The following IP6K1 variants were observed in gnomAD, a reference collection of about 807,000 sequenced individuals.
The protein encoded by IP6K1 is ATP:1D-myo-inositol-hexakisphosphate phosphotransferase.
A neutral mutation model predicts 38.3 loss-of-function variants in IP6K1; 13 were observed. The ratio of observed to expected loss-of-function variants is 0.34; its 90% CI spans 0.22 to 0.54. The LOEUF (loss-of-function observed/expected upper bound fraction) is 0.54. Ranked by LOEUF, IP6K1 falls within the 20% of genes least tolerant of loss-of-function variation. IP6K1 has a pLI of 0.92. For synonymous variants in IP6K1, 212 were observed against 229.9 expected, an observed-to-expected ratio of 0.92 and a Z score of 0.70; for missense variants, 397 against 599.8, an observed-to-expected ratio of 0.66 and a Z score of 3.53.
At chr3:49,776,041 T>C (rs1346562575) in intron 1 of IP6K1, among the ~76,000 whole-genome samples, 1 of 151,514 alleles carries the variant, frequency 6.6e-6, no homozygotes, top group Admixed American at 6.6e-5. Flanking sequence ...CTTTGGTGTA[T>C]GGTGGGAAGC....
rs1016900144 is a variant in IP6K1, at chr3:49,724,788, G to A, written c.*2334C>T. The A allele has an allele frequency of 1.3e-5, 2 of 152,642 alleles. No individual in the cohort carries two copies. Among genetic ancestry groups the A allele is most frequent in the African/African-American group, 4.8e-5 (2 of 41,440 alleles). The allele number at this position is 152,642 out of a possible 1,614,324, so 9.5% of individuals were successfully genotyped here. ...CCAGAGAGGGAGGGGTGGGGTCCCT[G>A]GCAAGTTGCTACACTGGTCCCCTTC... On this transcript the variant is annotated 3_prime_UTR_variant, in exon 6 of 6. Transcript: ENST00000321599.
At chr3:49,753,346 GTC>G (rs1416330138) in intron 1 of IP6K1, among the ~76,000 whole-genome samples, 1 of 152,048 alleles carries the variant, frequency 6.6e-6, no homozygotes, top group African/African-American at 2.4e-5. Flanking sequence ...TGATCAAAAT[GTC>G]TCTTTCTCAA....
chr3:49,727,330 C>A lies in IP6K1; in HGVS notation c.1118G>T (p.Gly373Val), dbSNP rs2080516654. ...GGTGTTGCTGGGGCTGGTGCTGGGG[C>A]CACAGGATGACGCCACCTCAGGGAG... The part of the protein sequence containing the change: ...MVLPEVASSC[G>V]PSTSPSNTSP... The change falls in exon 6 of 6, where the codon GGC becomes GTC. Residue 373 changes from glycine (G) to valine (V), a missense_variant. By Grantham distance (109) the Gly-to-Val change is moderately radical. This residue lies in a region of IP6K1 where 164 missense variants were observed against 213.5 expected (regional missense o/e 0.77). Coordinates refer to ENST00000321599, the MANE Select transcript of IP6K1 (RefSeq NM_153273.4). This position sits in a 1 kb window ranked among gnomAD's most constrained non-coding sequence, Gnocchi z 5.9. The A allele has an allele frequency of 6.2e-7, 1 of 1,613,934 alleles. No homozygotes were observed. Among genetic ancestry groups the A allele is most frequent in the African/African-American group, 1.3e-5 (1 of 74,908 alleles).
At chr3:49,752,602 A>T (rs2080788139) in intron 1 of IP6K1, among the ~76,000 whole-genome samples, 1 of 144,366 alleles carries the variant, frequency 6.9e-6, no homozygotes, top group African/African-American at 2.6e-5. Flanking sequence ...GGCTCACCTC[A>T]ATCTCCACTT....
chr3:49,727,220 C>G lies in IP6K1; in HGVS notation c.1228G>C (p.Asp410His). 2 of 1,614,146 alleles carry G rather than the reference C, an allele frequency of 1.2e-6. No individual in the cohort carries two copies. Among genetic ancestry groups the G allele is most frequent in the Non-Finnish European group, 1.7e-6 (2 of 1,180,046 alleles). ...FAHSTFKGFR[D>H]DPTVHDGPDR... is the part of the protein sequence containing the mutation. ...GGCCCATCATGCACGGTGGGGTCAT[C>G]CCGGAAGCCCTTGAATGTGCTGTGT... The change falls in exon 6 of 6, where the codon GAT (aspartate) becomes CAT (histidine). Residue 410 changes from aspartate to histidine, a missense_variant. By Grantham distance (81) the Asp-to-His change is moderately conservative (BLOSUM62 -1). Transcript: ENST00000321599. The surrounding 1 kb of genome is among the most constrained non-coding windows in gnomAD (Gnocchi z 5.9).
intron 1 of IP6K1, chr3:49,758,600 G>A (rs1215517769): frequency 6.6e-6 from 1 of 152,280 alleles, no homozygotes; most frequent in Non-Finnish European, 1.5e-5. Context: ...CAGAAATTAT[G>A]ACTTCATGAA....
chr3:49,778,319 C>T lies in IP6K1; in HGVS notation c.-129+8035G>A, dbSNP rs1466569274. On this transcript the variant is annotated intron_variant, in intron 1 of 5. Transcript: ENST00000321599. ...CAGCCTGGGCAACAAGAGTGAGACT[C>T]GGTCTCAAAAAAAAAAAAAAGGCAG... Among the ~76,000 whole-genome samples, 6 of 140,310 alleles carry T rather than the reference C, an allele frequency of 4.3e-5. No homozygotes were observed. The South Asian group carries it at 1.1e-3, about 26-fold the overall frequency. The allele number at this position is 140,310 out of a possible 152,430, so 92.0% of individuals were successfully genotyped here.
At chr3:49,756,896 A>T (rs2108245382) in intron 1 of IP6K1, among the ~76,000 whole-genome samples, 1 of 119,704 alleles carries the variant, frequency 8.4e-6, no homozygotes, top group Non-Finnish European at 1.8e-5. Flanking sequence ...GCTCATGATT[A>T]TGCTTTAATA....
At chr3:49,777,050 C>T (rs532643709) in intron 1 of IP6K1, among the ~76,000 whole-genome samples, 14 of 152,124 alleles carry the variant, frequency 9.2e-5, no homozygotes, top group African/African-American at 3.1e-4. Context: ...GCCTGGTCAA[C>T]ATGGCAAAAC....
intron 1 of IP6K1, among the ~76,000 whole-genome samples, chr3:49,761,223 G>C (rs2080865351): frequency 6.7e-6 from 1 of 149,414 alleles, no homozygotes; most frequent in African/African-American, 2.6e-5. Context: ...GCCGAGGCAG[G>C]AGAATCACTT....
chr3:49,750,044 A>G (rs529624497), intron 1 of IP6K1, among the ~76,000 whole-genome samples: 32 of 152,298 alleles, frequency 2.1e-4, no homozygotes, highest in African/African-American at 5.5e-4. Context: ...GCTGTCATCT[A>G]TTAACTCACT....
At chr3:49,757,120 A>G (rs115255815) in intron 1 of IP6K1, among the ~76,000 whole-genome samples, 209 of 152,346 alleles carry the variant, frequency 1.4e-3, no homozygotes, top group African/African-American at 4.8e-3. Context: ...ATGTGAAATG[A>G]TGAGCCTCCT....
At chr3:49,748,354 C>T (rs1295581571) in intron 1 of IP6K1, among the ~76,000 whole-genome samples, 186 bp from the exon 2 acceptor site, 1 of 152,174 alleles carries the variant, frequency 6.6e-6, no homozygotes, top group African/African-American at 2.4e-5. Flanking sequence ...CAACCTTGGC[C>T]TCTTCCATCT....
intron 2 of IP6K1, among the ~76,000 whole-genome samples, chr3:49,745,188 A>T (rs1243611219): frequency 1.3e-5 from 2 of 152,242 alleles, no homozygotes; most frequent in Admixed American, 1.3e-4. Flanking sequence ...TGCTATGAAG[A>T]AACTAAGTAA....
chr3:49,735,068 C>T (rs770099890), intron 3 of IP6K1, among the ~76,000 whole-genome samples: 1 of 152,200 alleles, frequency 6.6e-6, no homozygotes, highest in East Asian at 1.9e-4. Context: ...AAAAAGCCCA[C>T]TCTAGACTGG....
chr3:49,750,037 G>A (rs1297823624), intron 1 of IP6K1, among the ~76,000 whole-genome samples: 1 of 152,160 alleles, frequency 6.6e-6, no homozygotes, highest in Non-Finnish European at 1.5e-5. Flanking sequence ...CCACTGTGCT[G>A]TCATCTATTA....
At chr3:49,778,181 G>A (rs1054340632) in intron 1 of IP6K1, among the ~76,000 whole-genome samples, 3 of 151,814 alleles carry the variant, frequency 2.0e-5, no homozygotes, top group Admixed American at 1.3e-4. Context: ...AAAATTAGCC[G>A]AGCGTGCTGG....
chr3:49,751,582 T>C (rs946760949), intron 1 of IP6K1, among the ~76,000 whole-genome samples: 4 of 152,168 alleles, frequency 2.6e-5, no homozygotes, highest in African/African-American at 7.2e-5. Context: ...GCATAACGTC[T>C]TTCTCTGCTA....
At chr3:49,749,461 A>G (rs923454083) in intron 1 of IP6K1, among the ~76,000 whole-genome samples, 15 of 152,260 alleles carry the variant, frequency 9.9e-5, no homozygotes, top group African/African-American at 3.4e-4. Context: ...GTCAGCAAGA[A>G]TACATCAGAA....
Sources: allele counts gnomAD v4.1 joint callset (sites outside exome capture counted in the v4.1 genomes callset), GRCh38; gene constraint gnomAD v4.1.1; regional missense constraint gnomAD v4.1.1; non-coding constraint Gnocchi (gnomAD v3.1); transcripts MANE v1.5; gene names NCBI Gene and HGNC (gene_info 2026-07-23, HGNC 2026-07-21).